IMPDH1: variants seen among roughly 807,000 people sequenced by gnomAD.
The protein encoded by IMPDH1 is inosine-5'-monophosphate dehydrogenase 1.
IMPDH1 carries 41 observed loss-of-function variants against 73.5 expected under a neutral mutation model. The observed-to-expected ratio is 0.56, with a 90% CI of 0.43 to 0.72. The LOEUF is 0.72. IMPDH1 is among the 30% of genes least tolerant of loss of function. The pLI is 0.00. For synonymous variants in IMPDH1, 318 were observed against 334.3 expected, an observed-to-expected ratio of 0.95 and a Z score of 0.53; for missense variants, 645 against 824.8, an observed-to-expected ratio of 0.78 and a Z score of 2.67.
rs1240091654 is a variant in IMPDH1 at position 128,396,965 on chromosome 7, T to C, written c.1132A>G (p.Lys378Glu). ...QIAMVHYIKQKYPHLQVIGGN... is the reference protein window; with the variant it reads ...QIAMVHYIKQEYPHLQVIGGN... The stretch of plus-strand genomic sequence containing the variant: ...CCAATCACCTGGAGGTGGGGGTACT[T>C]CTGTTTGATGTAATGCACCATGGCG... The change falls in exon 11 of 17, where the codon AAG becomes GAG. Residue 378 changes from lysine to glutamate, a missense_variant. Coordinates refer to ENST00000338791, the MANE Select transcript of IMPDH1 (RefSeq NM_000883.4). This position sits in a 1 kb window ranked among gnomAD's most constrained non-coding sequence, Gnocchi z 4.0. The C allele has an allele frequency of 1.2e-6, 2 of 1,613,856 alleles. No individual in the cohort carries two copies. Among genetic ancestry groups the C allele is most frequent in the Non-Finnish European group, 1.7e-6 (2 of 1,179,960 alleles).
At chr7:128,406,307 C>CT (rs1369048446) in intron 3 of IMPDH1, among the ~76,000 whole-genome samples, 2 of 120,712 alleles carry the variant, frequency 1.7e-5, no homozygotes, top group Non-Finnish European at 3.6e-5. Flanking sequence ...CCCCACACCC[C>CT]CCACCCCCCC....
chr7:128,406,522 C>T (rs936145937), intron 3 of IMPDH1, among the ~76,000 whole-genome samples: 6 of 151,964 alleles, frequency 3.9e-5, no homozygotes, highest in Middle Eastern at 3.4e-3. Flanking sequence ...TCCCGACATC[C>T]TAGGGAGCCG....
intron 4 of IMPDH1, 133 bp from the exon 5 acceptor site, chr7:128,403,887 A>ACTGCCCCATCTGCCT: frequency 1.3e-6 from 1 of 784,230 alleles, no homozygotes. Context: ...CCCCATCCCT[A>ACTGCCCCATCTGCCT]CTGCCCCATC....
chr7:128,402,352 C>T (rs905539775), intron 5 of IMPDH1, among the ~76,000 whole-genome samples: 7 of 152,228 alleles, frequency 4.6e-5, no homozygotes, highest in Non-Finnish European at 7.3e-5. Context: ...ATCCTCCTGC[C>T]TCAGCCTCCC....
At chr7:128,399,538 A>AC (rs1798167498) in intron 9 of IMPDH1, among the ~76,000 whole-genome samples, 1 of 150,956 alleles carries the variant, frequency 6.6e-6, no homozygotes, top group Admixed American at 6.6e-5. Flanking sequence ...AAAAAAAAAA[A>AC]TTAGCTGGTA....
intron 7 of IMPDH1, 132 bp downstream of exon 7, chr7:128,400,685 G>A (rs1009291034): frequency 1.2e-5 from 14 of 1,178,658 alleles, no homozygotes; most frequent in Middle Eastern, 2.5e-4. Flanking sequence ...ATGAGGGCTC[G>A]GCCCCAAGGC....
At chr7:128,408,901 C>T (rs1798952958) in intron 3 of IMPDH1, among the ~76,000 whole-genome samples, 1 of 152,140 alleles carries the variant, frequency 6.6e-6, no homozygotes, top group South Asian at 2.1e-4. Context: ...CCCCTTAAGC[C>T]GTTAAAAGTT....
intron 4 of IMPDH1, 106 bp from the exon 5 acceptor site, chr7:128,403,860 G>T: frequency 1.0e-6 from 1 of 967,724 alleles, no homozygotes; most frequent in Non-Finnish European, 1.7e-6. Context: ...AAGCCTAGAG[G>T]AGCAGAGGCT....
At chr7:128,395,332 G>A (rs566955525) in intron 12 of IMPDH1, 58 bp from the exon 13 acceptor site, 45 of 1,597,922 alleles carry the variant, frequency 2.8e-5, no homozygotes, top group Non-Finnish European at 3.7e-5. Flanking sequence ...CCGGGGCCTG[G>A]AGCGGGGCCA....
chr7:128,400,955 A>G (rs892288340), intron 6 of IMPDH1, 60 bp downstream of exon 6: 1 of 1,598,652 alleles, frequency 6.3e-7, no homozygotes, highest in Non-Finnish European at 8.6e-7. Context: ...GCCCCTCAGC[A>G]CAGCCCACCA....
In IMPDH1 at chr7:128,409,329, C is replaced by T. The variant is rs1798982573; in HGVS notation, c.214G>A (p.Ala72Thr). The stretch of plus-strand genomic sequence containing the variant: ...CGATCCATCTGGACACCAACACCTG[C>T]CAGTAAGACCACTGAAGATAGTTCT... ...RSELSSVVLL[A>T]GVGVQMDRLR... The change falls in exon 3 of 17, where the codon GCA (alanine) becomes ACA (threonine). Residue 72 changes from alanine to threonine, a missense_variant. Ala to Thr is a moderately conservative substitution (Grantham distance 58, BLOSUM62 0). This residue lies in a region of IMPDH1 where 186 missense variants were observed against 186.6 expected (regional missense o/e 1.00). Transcript: ENST00000338791. 3 of 1,614,042 alleles carry T rather than the reference C, an allele frequency of 1.9e-6. No individual in the cohort carries two copies. The African/African-American group carries it at 4.0e-5, about 22-fold the overall frequency.
chr7:128,393,302 G>C (rs184805416), intron 16 of IMPDH1, among the ~76,000 whole-genome samples: 2 of 152,340 alleles, frequency 1.3e-5, no homozygotes, highest in Admixed American at 6.5e-5. Context: ...CAGTGCCCAG[G>C]GTGGAGGGAC....
At position 128,394,860 on chromosome 7, in the gene IMPDH1, T is replaced by C. The variant is rs1267296012; in HGVS notation, c.1550+29A>G. 13 of 1,610,068 alleles carry C rather than the reference T, an allele frequency of 8.1e-6. No homozygotes were observed. Among genetic ancestry groups the C allele is most frequent in the Non-Finnish European group, 1.1e-5 (13 of 1,179,642 alleles). ...GGCCCTGAAGGGTTGTGGGCTGATC[T>C]GCCCAGGTGGGGCCCAGGGTCAGGG... On this transcript the variant is annotated intron_variant, in intron 14 of 16. Coordinates refer to ENST00000338791, the MANE Select transcript of IMPDH1 (RefSeq NM_000883.4). The surrounding 1 kb of genome is among the most constrained non-coding windows in gnomAD (Gnocchi z 5.5).
At chr7:128,400,633 G>C in intron 7 of IMPDH1, 94 bp from the exon 8 acceptor site, 1 of 1,331,114 alleles carries the variant, frequency 7.5e-7, no homozygotes, top group Non-Finnish European at 1.1e-6. Context: ...CTGTGCTGCA[G>C]AGAAGCCAGG....
At position 128,394,374 on chromosome 7, in the gene IMPDH1, T is replaced by C. The variant is rs780423926; in HGVS notation, c.1695-13A>G. 32 of 1,613,346 alleles carry C rather than the reference T, an allele frequency of 2.0e-5. No individual in the cohort carries two copies. The highest frequency in any genetic ancestry group is 2.7e-5 in the African/African-American group (2 of 74,752). On this transcript the variant is annotated splice_polypyrimidine_tract_variant and intron_variant, in intron 15 of 16. Coordinates refer to ENST00000338791, the MANE Select transcript of IMPDH1 (RefSeq NM_000883.4). This position sits in a 1 kb window ranked among gnomAD's most constrained non-coding sequence, Gnocchi z 5.5. ...GTACATCATGGACCTAGGAGGAAGGTAGGTGGAGCAGATCAGGGCCACCAA... is the reference window on the plus strand; with the variant it reads ...GTACATCATGGACCTAGGAGGAAGGCAGGTGGAGCAGATCAGGGCCACCAA...
intron 3 of IMPDH1, among the ~76,000 whole-genome samples, chr7:128,406,163 AC>A (rs1798744404): frequency 7.2e-6 from 1 of 138,580 alleles, no homozygotes; most frequent in Non-Finnish European, 1.6e-5. Flanking sequence ...CGGCGCTGCG[AC>A]CCCGCAAGCC....
At chr7:128,409,658 T>A in intron 1 of IMPDH1, 98 bp downstream of exon 1, 3 of 1,502,886 alleles carry the variant, frequency 2.0e-6, no homozygotes, top group South Asian at 1.2e-5. Flanking sequence ...TTGTGGGGCC[T>A]GCCCCTCCCC....
At chr7:128,397,088 C>T in intron 10 of IMPDH1, 66 bp from the exon 11 acceptor site, 2 of 1,045,944 alleles carry the variant, frequency 1.9e-6, no homozygotes, top group Non-Finnish European at 3.0e-6. Context: ...GAGGGAGAGC[C>T]TGAGTGGATG....
rs376431130 is a variant in IMPDH1 at position 128,394,603 on chromosome 7, C to T, written c.1551-4G>A. 3.6e-5 allele frequency: 58 copies of T among 1,613,314 alleles called. No individual in the cohort carries two copies. The East Asian group carries it at 7.6e-4, about 21-fold the overall frequency. ...GATCTTCACTTTATCCCCCTCGCTG[C>T]GTGGAGGGTGGAAGACTGAGCCCAG... On this transcript the variant is annotated splice_region_variant and splice_polypyrimidine_tract_variant and intron_variant, in intron 14 of 16. Transcript: ENST00000338791. This position sits in a 1 kb window ranked among gnomAD's most constrained non-coding sequence, Gnocchi z 5.5.
Sources: gnomAD v4.1 joint callset for allele counts (sites outside exome capture counted in the v4.1 genomes callset) on GRCh38, gnomAD v4.1.1 for gene constraint, gnomAD v4.1.1 regional missense constraint, Gnocchi (gnomAD v3.1) non-coding constraint, MANE v1.5 for transcripts, NCBI Gene and HGNC (gene_info 2026-07-23, HGNC 2026-07-21) for gene names.